MAGI2: variants seen among roughly 807,000 people sequenced by gnomAD.
The protein encoded by MAGI2 is membrane associated guanylate kinase, WW and PDZ domain containing 2.
A neutral mutation model predicts 133.3 loss-of-function variants in MAGI2; 35 were observed. The observed-to-expected ratio is 0.26, with a 90% CI of 0.20 to 0.35. The LOEUF is 0.35. MAGI2 is among the 10% of genes least tolerant of loss of function. MAGI2 has a pLI of 1.00. For synonymous variants in MAGI2, 729 were observed against 710.6 expected (o/e 1.03, Z -0.41); for missense variants, 1,636 against 1,863.4 (o/e 0.88, Z 2.25).
intron 9 of MAGI2, among the ~76,000 whole-genome samples, chr7:78,314,458 A>C (rs1787199346): frequency 1.3e-5 from 2 of 152,192 alleles, no homozygotes; most frequent in South Asian, 4.1e-4. Context: ...GCATGGAAAA[A>C]GATGACTGAC....
chr7:79,161,485 C>A (rs536112763), intron 1 of MAGI2, among the ~76,000 whole-genome samples: 1 of 152,060 alleles, frequency 6.6e-6, no homozygotes, highest in South Asian at 2.1e-4. Flanking sequence ...CGAAGCTACC[C>A]CTATGCTAAT....
At chr7:78,513,183 C>T (rs1795752133) in intron 4 of MAGI2, among the ~76,000 whole-genome samples, 1 of 151,708 alleles carries the variant, frequency 6.6e-6, no homozygotes, top group Admixed American at 6.6e-5. Context: ...TTCTGAAGTT[C>T]CAGGAAATTC....
At chr7:78,288,730 G>A (rs1338904723) in intron 9 of MAGI2, among the ~76,000 whole-genome samples, 7 of 152,270 alleles carry the variant, frequency 4.6e-5, no homozygotes, top group South Asian at 2.1e-4. Flanking sequence ...TCGTGCAGCC[G>A]GGTGCCCCTC....
intron 10 of MAGI2, among the ~76,000 whole-genome samples, chr7:78,227,159 T>C (rs915273876): frequency 4.6e-5 from 7 of 152,336 alleles, no homozygotes; most frequent in Middle Eastern, 3.4e-3. Flanking sequence ...ACTCTCTGAA[T>C]ATTCATTTAA....
intron 3 of MAGI2, among the ~76,000 whole-genome samples, chr7:78,599,206 C>G (rs1804929538): frequency 6.6e-6 from 1 of 152,154 alleles, no homozygotes; most frequent in African/African-American, 2.4e-5. Context: ...CATACACACA[C>G]ACAATCTTAT....
chr7:79,002,034 C>G (rs998744891), intron 2 of MAGI2, among the ~76,000 whole-genome samples: 3 of 152,050 alleles, frequency 2.0e-5, no homozygotes, highest in Admixed American at 6.6e-5. Flanking sequence ...CATTTTCTCC[C>G]TTCTCCTGAA....
chr7:78,309,319 A>G (rs1798497257), intron 9 of MAGI2, among the ~76,000 whole-genome samples: 1 of 152,240 alleles, frequency 6.6e-6, no homozygotes. Flanking sequence ...TGGATAAAGA[A>G]AATATGATAC....
chr7:78,725,672 G>A (rs1202131101), intron 2 of MAGI2, among the ~76,000 whole-genome samples: 2 of 152,192 alleles, frequency 1.3e-5, no homozygotes, highest in South Asian at 2.1e-4. Flanking sequence ...GGTGGCAGGC[G>A]CCTGTAGTCC....
chr7:79,388,362 T>A (rs893358078), intron 1 of MAGI2, among the ~76,000 whole-genome samples: 1 of 151,960 alleles, frequency 6.6e-6, no homozygotes, highest in Admixed American at 6.6e-5. Context: ...TCAATACAGG[T>A]AATCAGAGAG....
chr7:79,399,004 T>A (rs1845256358), intron 1 of MAGI2, among the ~76,000 whole-genome samples: 1 of 151,870 alleles, frequency 6.6e-6, no homozygotes, highest in Non-Finnish European at 1.5e-5. Context: ...TTAACAAATC[T>A]CAAGAAACTG....
chr7:79,141,159 G>A (rs545230594), intron 1 of MAGI2, among the ~76,000 whole-genome samples: 69 of 151,918 alleles, frequency 4.5e-4, no homozygotes, highest in South Asian at 2.3e-3. Flanking sequence ...AGTATCTGCC[G>A]CTCTTGACAG....
At chr7:78,241,471 A>G (rs960858354) in intron 10 of MAGI2, among the ~76,000 whole-genome samples, 1 of 152,156 alleles carries the variant, frequency 6.6e-6, no homozygotes, top group Admixed American at 6.5e-5. Flanking sequence ...GATTTCTCAC[A>G]TTTGGGGGGC....
intron 16 of MAGI2, among the ~76,000 whole-genome samples, chr7:78,141,435 G>A (rs1169286372): frequency 1.3e-5 from 2 of 152,080 alleles, no homozygotes; most frequent in Admixed American, 6.5e-5. Context: ...GTCCCTTCCT[G>A]GAATATGACA....
intron 2 of MAGI2, among the ~76,000 whole-genome samples, chr7:78,960,341 A>G (rs1364496305): frequency 2.6e-5 from 4 of 152,126 alleles, no homozygotes; most frequent in Non-Finnish European, 5.9e-5. Context: ...GTGTTCATTC[A>G]TATAACGATA....
At chr7:78,296,771 A>G (rs1328868652) in intron 9 of MAGI2, among the ~76,000 whole-genome samples, 2 of 152,058 alleles carry the variant, frequency 1.3e-5, no homozygotes, top group African/African-American at 4.8e-5. Context: ...TTGCAAATAA[A>G]TGCATGCTAT....
intron 16 of MAGI2, among the ~76,000 whole-genome samples, chr7:78,155,443 G>A (rs1824295110): frequency 6.6e-6 from 1 of 152,016 alleles, no homozygotes; most frequent in South Asian, 2.1e-4. Flanking sequence ...GCAAAACCTC[G>A]TCTCTACTAA....
chr7:78,361,913 G>A (rs1251940849), intron 7 of MAGI2, among the ~76,000 whole-genome samples: 1 of 152,176 alleles, frequency 6.6e-6, no homozygotes, highest in Admixed American at 6.5e-5. Context: ...CAGAAACAGG[G>A]AGATGAAGCA....
chr7:78,975,934 C>T (rs939000871), intron 2 of MAGI2, among the ~76,000 whole-genome samples: 2 of 151,594 alleles, frequency 1.3e-5, no homozygotes, highest in African/African-American at 4.8e-5. Context: ...TGAATCAATT[C>T]CTTGAATGAC....
At chr7:79,301,625 C>A (rs138690961) in intron 1 of MAGI2, among the ~76,000 whole-genome samples, 9 of 152,104 alleles carry the variant, frequency 5.9e-5, no homozygotes, top group Non-Finnish European at 1.3e-4. Context: ...GGACTTTGAA[C>A]TTTTTGGTTA....
Sources: allele counts gnomAD v4.1 joint callset (sites outside exome capture counted in the v4.1 genomes callset), GRCh38; gene constraint gnomAD v4.1.1; transcripts MANE v1.5; gene names NCBI Gene and HGNC (gene_info 2026-07-23, HGNC 2026-07-21).